SLC9B2: variants seen among roughly 807,000 people sequenced by gnomAD.
SLC9B2 encodes sodium/hydrogen exchanger 9B2.
A neutral mutation model predicts 52.2 loss-of-function variants in SLC9B2; 39 were observed. The observed-to-expected ratio is 0.75, with a 90% CI of 0.58 to 0.98. SLC9B2 has a LOEUF of 0.98. Ranked by LOEUF, SLC9B2 falls within the 50% of genes least tolerant of loss-of-function variation. The pLI is 0.00. For synonymous variants in SLC9B2, 214 were observed against 227.0 expected (o/e 0.94, Z 0.51); for missense variants, 626 against 637.5 (o/e 0.98, Z 0.19).
chr4:103,063,243 C>G (rs1745826207), intron 3 of SLC9B2, among the ~76,000 whole-genome samples: 1 of 152,134 alleles, frequency 6.6e-6, no homozygotes, highest in Non-Finnish European at 1.5e-5. Context: ...TATCTGTGAT[C>G]TTATCAGCTA....
chr4:103,070,726 C>A (rs926173272), intron 1 of SLC9B2, among the ~76,000 whole-genome samples: 3 of 152,216 alleles, frequency 2.0e-5, no homozygotes, highest in Non-Finnish European at 4.4e-5. Flanking sequence ...CAGGCATGAG[C>A]CACCATGCCC....
chr4:103,066,260 T>C (rs1006052140), intron 3 of SLC9B2, 67 bp downstream of exon 3: 51 of 1,528,462 alleles, frequency 3.3e-5, no homozygotes, highest in Non-Finnish European at 4.0e-5. Context: ...CTTTCAACCA[T>C]ATTATTTAGT....
At chr4:103,066,555 C>T in intron 2 of SLC9B2, 48 bp from the exon 3 acceptor site, 1 of 1,544,514 alleles carries the variant, frequency 6.5e-7, no homozygotes, top group Non-Finnish European at 8.8e-7. Flanking sequence ...ATATATTTTA[C>T]ACATATTTAT....
intron 3 of SLC9B2, among the ~76,000 whole-genome samples, chr4:103,062,013 T>C (rs1335833226): frequency 6.6e-6 from 1 of 152,198 alleles, no homozygotes; most frequent in Admixed American, 6.5e-5. Flanking sequence ...GAAATTTCTA[T>C]GCGATATCAG....
intron 7 of SLC9B2, among the ~76,000 whole-genome samples, chr4:103,046,588 G>C (rs566269248): frequency 1.3e-5 from 2 of 152,026 alleles, no homozygotes; most frequent in Non-Finnish European, 2.9e-5. Flanking sequence ...TATTTTAAAG[G>C]CATGCTGTTC....
intron 4 of SLC9B2, 35 bp from the exon 5 acceptor site, chr4:103,050,417 T>A: frequency 6.6e-7 from 1 of 1,522,636 alleles, no homozygotes; most frequent in East Asian, 2.4e-5. Flanking sequence ...CTAGTTAGTT[T>A]TCAAATACAG....
chr4:103,067,024 A>G (rs1402432448), intron 2 of SLC9B2, among the ~76,000 whole-genome samples: 2 of 152,078 alleles, frequency 1.3e-5, no homozygotes, highest in Non-Finnish European at 2.9e-5. Context: ...TTATAGTCCC[A>G]AGCATTTCAG....
Position 103,044,951 on chromosome 4 carries a change from A to G in SLC9B2, c.935T>C (p.Ile312Thr), listed in dbSNP as rs1743985019. ...NVLRGVLEVV[I>T]GVATGSVLGF... Reference sequence around the variant, plus strand: ...AAGAACAGATCCAGTTGCCACACCAATTACCACCTCCAAAACTCCTCTGAG... The same window carrying G: ...AAGAACAGATCCAGTTGCCACACCAGTTACCACCTCCAAAACTCCTCTGAG... Residue 312 changes from isoleucine (I) to threonine (T), a missense_variant, in exon 8 of 12, where the codon ATT becomes ACT. Transcript: ENST00000394785. 6.2e-7 allele frequency: 1 copy of G among 1,614,006 alleles called. No individual in the cohort carries two copies. Among genetic ancestry groups the G allele is most frequent in the Non-Finnish European group, 8.5e-7 (1 of 1,179,932 alleles).
At chr4:103,062,893 A>G (rs1019402454) in intron 3 of SLC9B2, among the ~76,000 whole-genome samples, 1 of 152,216 alleles carries the variant, frequency 6.6e-6, no homozygotes, top group Non-Finnish European at 1.5e-5. Flanking sequence ...TACAGGTTTG[A>G]GCCACTGTGC....
At chr4:103,074,228 A>C (rs1746919210) in intron 1 of SLC9B2, among the ~76,000 whole-genome samples, 1 of 152,174 alleles carries the variant, frequency 6.6e-6, no homozygotes, top group African/African-American at 2.4e-5. Flanking sequence ...TGAACACAGA[A>C]AGCAACATAG....
At chr4:103,066,263 T>C in intron 3 of SLC9B2, 64 bp downstream of exon 3, 1 of 1,535,404 alleles carries the variant, frequency 6.5e-7, no homozygotes, top group Non-Finnish European at 8.8e-7. Context: ...TCAACCATAT[T>C]ATTTAGTAAT....
chr4:103,030,873 C>T (rs891781576), intron 10 of SLC9B2, among the ~76,000 whole-genome samples: 1 of 152,054 alleles, frequency 6.6e-6, no homozygotes, highest in African/African-American at 2.4e-5. Flanking sequence ...CTGGCAAGTA[C>T]CATTTATGAG....
chr4:103,033,650 T>A (rs1742899630), intron 9 of SLC9B2, among the ~76,000 whole-genome samples: 1 of 152,148 alleles, frequency 6.6e-6, no homozygotes, highest in African/African-American at 2.4e-5. Context: ...AAAATCATTA[T>A]TTCTATACAC....
chr4:103,070,496 A>G (rs143588736), intron 1 of SLC9B2, among the ~76,000 whole-genome samples: 5 of 152,364 alleles, frequency 3.3e-5, no homozygotes, highest in Non-Finnish European at 7.3e-5. Flanking sequence ...GCTATAGTGC[A>G]GTGGCATGAT....
downstream of SLC9B2, chr4:103,019,609 T>C: frequency 6.1e-6 from 6 of 985,474 alleles, no homozygotes; most frequent in Non-Finnish European, 7.2e-6. Context: ...CTACAACTTC[T>C]TTCGCAGCCC....
intron 2 of SLC9B2, among the ~76,000 whole-genome samples, 173 bp from the exon 3 acceptor site, chr4:103,066,680 T>C (rs937111925): frequency 6.6e-6 from 1 of 152,198 alleles, no homozygotes; most frequent in Non-Finnish European, 1.5e-5. Flanking sequence ...ACAAGAATGA[T>C]ACTAGGAGTA....
chr4:103,026,674 C>A, intron 11 of SLC9B2, 83 bp from the exon 12 acceptor site: 1 of 1,288,540 alleles, frequency 7.8e-7, no homozygotes. Flanking sequence ...TTTGCAAAAG[C>A]AAATTGCTTG....
rs571266021 is a variant in SLC9B2, at chr4:103,032,366, C to T, written c.1147-558G>A. ...GTTTAAGGTTATCTCAAATCACGCACAAAAATAAAATCCAGGTTTACTAAA... is the reference window on the plus strand; with the variant it reads ...GTTTAAGGTTATCTCAAATCACGCATAAAAATAAAATCCAGGTTTACTAAA... On this transcript the variant is annotated intron_variant, in intron 9 of 11. Transcript: ENST00000394785. 2.6e-5 allele frequency among the ~76,000 whole-genome samples: 4 copies of T among 152,196 alleles called. No homozygotes were observed. In the South Asian group the frequency reaches 8.3e-4, roughly 32 times the overall value.
chr4:103,072,058 T>TTTTTTTTTTG (rs1746695797), intron 1 of SLC9B2, among the ~76,000 whole-genome samples: 1 of 137,030 alleles, frequency 7.3e-6, no homozygotes, highest in South Asian at 2.4e-4. Flanking sequence ...GCTTTCATGT[T>TTTTTTTTTTG]TTTTTTTTTT....
Sources: gnomAD v4.1 joint callset for allele counts (sites outside exome capture counted in the v4.1 genomes callset) on GRCh38, gnomAD v4.1.1 for gene constraint, MANE v1.5 for transcripts, NCBI Gene and HGNC (gene_info 2026-07-23, HGNC 2026-07-21) for gene names.